The following NRG1 variants were observed in gnomAD, a reference collection of about 807,000 sequenced individuals.
NRG1 encodes the protein neuregulin 1.
A neutral mutation model predicts 63.8 loss-of-function variants in NRG1; 18 were observed. That is an observed-to-expected ratio of 0.28 (90% CI 0.19 to 0.42). The LOEUF (loss-of-function observed/expected upper bound fraction) is 0.42. NRG1 is among the 10% of genes least tolerant of loss of function. NRG1 has a pLI of 1.00. For missense variants in NRG1, 762 were observed against 814.7 expected (o/e 0.94, Z 0.79); for synonymous variants, 302 against 301.3 (o/e 1.00, Z -0.02).
intron 1 of NRG1, among the ~76,000 whole-genome samples, chr8:32,078,617 A>G (rs907175488): frequency 1.3e-5 from 2 of 152,220 alleles, no homozygotes; most frequent in Admixed American, 6.5e-5. Context: ...CTGCATTAAT[A>G]TAACTGGACC....
chr8:32,611,654 C>G (rs1846376222), intron 3 of NRG1, among the ~76,000 whole-genome samples: 1 of 151,920 alleles, frequency 6.6e-6, no homozygotes. Context: ...AAAGATGTTC[C>G]TTAAGTTATC....
intron 1 of NRG1, among the ~76,000 whole-genome samples, chr8:31,896,839 A>G (rs1831619247): frequency 6.6e-6 from 1 of 152,168 alleles, no homozygotes; most frequent in Admixed American, 6.6e-5. Context: ...TGTTTGTGTA[A>G]CATCTCACAT....
At chr8:31,693,093 C>A (rs1585709890) in intron 1 of NRG1, among the ~76,000 whole-genome samples, 1 of 152,126 alleles carries the variant, frequency 6.6e-6, no homozygotes. Context: ...TAGTGACCAC[C>A]CTTGCTGCCG....
chr8:31,721,482 T>C (rs1812910031), intron 1 of NRG1, among the ~76,000 whole-genome samples: 1 of 152,192 alleles, frequency 6.6e-6, no homozygotes, highest in Non-Finnish European at 1.5e-5. Context: ...AACTTACCTT[T>C]GGTCTGTCTT....
chr8:31,910,733 T>C (rs1832871558), intron 1 of NRG1, among the ~76,000 whole-genome samples: 1 of 152,142 alleles, frequency 6.6e-6, no homozygotes, highest in South Asian at 2.1e-4. Flanking sequence ...GAATAGGGGA[T>C]AGGATCAAAC....
intron 1 of NRG1, among the ~76,000 whole-genome samples, chr8:32,217,930 A>G (rs1381570276): frequency 6.6e-6 from 1 of 152,198 alleles, no homozygotes; most frequent in Non-Finnish European, 1.5e-5. Flanking sequence ...GCCAGCATTA[A>G]TAATAGGAGG....
chr8:32,566,076 G>T (rs764803166), intron 1 of NRG1, among the ~76,000 whole-genome samples: 1 of 152,034 alleles, frequency 6.6e-6, no homozygotes, highest in African/African-American at 2.4e-5. Context: ...GTGTCTGGCC[G>T]GACACGGTGG....
downstream of NRG1, among the ~76,000 whole-genome samples, chr8:32,768,550 C>A (rs988669988): frequency 9.2e-5 from 14 of 152,132 alleles, no homozygotes; most frequent in African/African-American, 3.4e-4. Flanking sequence ...GTCAATAAAA[C>A]AAATCAAACT....
intron 1 of NRG1, among the ~76,000 whole-genome samples, chr8:31,956,764 A>G (rs1804508284): frequency 6.6e-6 from 1 of 152,246 alleles, no homozygotes. Context: ...AATCTCTATG[A>G]CATAGGTCCC....
intron 1 of NRG1, among the ~76,000 whole-genome samples, chr8:32,532,635 C>A (rs753408817): frequency 1.3e-5 from 2 of 151,900 alleles, no homozygotes; most frequent in Middle Eastern, 3.4e-3. Context: ...ACTTTCATTA[C>A]AATTTTTTCA....
intron 1 of NRG1, among the ~76,000 whole-genome samples, chr8:32,315,238 G>A (rs1857248252): frequency 6.6e-6 from 1 of 151,996 alleles, no homozygotes; most frequent in Admixed American, 6.6e-5. Context: ...CTCTCCCTCT[G>A]CCCACCCCCC....
intron 1 of NRG1, among the ~76,000 whole-genome samples, chr8:32,037,947 G>A (rs1015826422): frequency 5.3e-5 from 8 of 152,234 alleles, no homozygotes; most frequent in Non-Finnish European, 7.3e-5. Context: ...GAGCAAGGCC[G>A]CTTGGCTCCC....
At chr8:31,772,364 C>G (rs1335503302) in intron 1 of NRG1, among the ~76,000 whole-genome samples, 1 of 152,158 alleles carries the variant, frequency 6.6e-6, no homozygotes, top group Admixed American at 6.5e-5. Flanking sequence ...ACTCTCTACA[C>G]AGTAAGGGCT....
At chr8:31,750,148 C>T (rs1816303140) in intron 1 of NRG1, among the ~76,000 whole-genome samples, 1 of 151,800 alleles carries the variant, frequency 6.6e-6, no homozygotes, top group South Asian at 2.1e-4. Context: ...ATTCCCTCTC[C>T]TAAACATGAA....
At chr8:32,161,688 A>G (rs1327105587) in intron 1 of NRG1, among the ~76,000 whole-genome samples, 1 of 152,120 alleles carries the variant, frequency 6.6e-6, no homozygotes. Context: ...ATTCCACTGC[A>G]TTGTTCTTGG....
intron 5 of NRG1, chr8:32,647,586 A>C: frequency 7.2e-7 from 1 of 1,391,248 alleles, no homozygotes. Context: ...ACTCTTCTTG[A>C]TTTTAATAAT....
At chr8:32,431,023 T>G (rs1190733989) in intron 1 of NRG1, among the ~76,000 whole-genome samples, 4 of 152,118 alleles carry the variant, frequency 2.6e-5, no homozygotes, top group African/African-American at 9.7e-5. Context: ...GCCTGTTACC[T>G]CATTTAATTT....
chr8:31,715,882 A>G (rs1310247987), intron 1 of NRG1, among the ~76,000 whole-genome samples: 3 of 152,252 alleles, frequency 2.0e-5, no homozygotes, highest in African/African-American at 7.2e-5. Context: ...TACCTGACAT[A>G]TGAATTATTG....
chr8:31,750,467 G>A (rs1366941131), intron 1 of NRG1, among the ~76,000 whole-genome samples: 1 of 151,906 alleles, frequency 6.6e-6, no homozygotes, highest in Non-Finnish European at 1.5e-5. Flanking sequence ...TCCTGTCCAA[G>A]GTGGTGATCT....
Sources: allele counts gnomAD v4.1 joint callset (sites outside exome capture counted in the v4.1 genomes callset), GRCh38; gene constraint gnomAD v4.1.1; transcripts MANE v1.5; gene names NCBI Gene and HGNC (gene_info 2026-07-23, HGNC 2026-07-21).